The following LRRK1 variants were observed in gnomAD, a reference collection of about 807,000 sequenced individuals.
The protein encoded by LRRK1 is leucine rich repeat kinase 1, also known as leucine-rich repeat serine/threonine-protein kinase 1.
In LRRK1, 113 loss-of-function variants were observed where a neutral mutation model predicts 209.1. The observed-to-expected ratio is 0.54, with a 90% CI of 0.46 to 0.63. The LOEUF (loss-of-function observed/expected upper bound fraction) is 0.63. Among genes scored for constraint, LRRK1 ranks in the 30% least tolerant of loss-of-function variants. The pLI is 0.00. For synonymous variants in LRRK1, 1,144 were observed against 1,099.7 expected (o/e 1.04, Z -0.80); for missense variants, 2,284 against 2,632.2 (o/e 0.87, Z 2.89).
At chr15:100,984,974 C>T (rs1205689133) in intron 4 of LRRK1, among the ~76,000 whole-genome samples, 1 of 152,200 alleles carries the variant, frequency 6.6e-6, no homozygotes, top group Non-Finnish European at 1.5e-5. Context: ...GTTTAATACT[C>T]TGTACTCACT....
chr15:101,047,790 C>T (rs1473867843), intron 21 of LRRK1, among the ~76,000 whole-genome samples: 3 of 152,156 alleles, frequency 2.0e-5, no homozygotes, highest in African/African-American at 4.8e-5. Context: ...AGCTTTAAAA[C>T]GATCAGACCC....
At position 101,072,568 on chromosome 15, in the gene LRRK1, G is replaced by C. The variant is rs950994354; in HGVS notation, c.*3720G>C. The C allele has an allele frequency of 2.0e-5, 3 of 152,880 alleles. No individual in the cohort carries two copies. The highest frequency in any genetic ancestry group is 4.8e-5 in the African/African-American group (2 of 41,478). The allele number at this position is 152,880 out of a possible 1,614,324, so 9.5% of individuals were successfully genotyped here. A position where few individuals can be genotyped will look rare whatever the true frequency, so the allele number is the denominator to read the frequency against. ...GCCTAGATGGCCTGAAGTAACTGAA[G>C]AATCACAAAAGAAGTGAATATGCCC... On this transcript the variant is annotated 3_prime_UTR_variant, in exon 34 of 34. Transcript: ENST00000388948.
chr15:100,980,173 C>A (rs923960859), intron 3 of LRRK1, among the ~76,000 whole-genome samples: 4 of 152,058 alleles, frequency 2.6e-5, no homozygotes, highest in African/African-American at 9.6e-5. Context: ...TGGATACAAC[C>A]AAAGACTCTC....
At chr15:101,053,141 C>T (rs186290816) in intron 25 of LRRK1, 53 bp downstream of exon 25, 3 of 1,590,678 alleles carry the variant, frequency 1.9e-6, no homozygotes, top group Admixed American at 3.4e-5. Context: ...CTGCCCGGGT[C>T]TAAGCTCTGT....
chr15:101,065,784 C>A lies in LRRK1; in HGVS notation c.5347C>A (p.Leu1783Ile). 6.2e-7 allele frequency: 1 copy of A among 1,614,098 alleles called. No homozygotes were observed. The highest frequency in any genetic ancestry group is 1.1e-5 in the South Asian group (1 of 91,086). ...ARYFCGVPSP[L>I]RDMFPVRPLD... ...GTACTTCTGCGGGGTCCCCAGCCCC[C>A]TCAGGGACATGTTTCCCGTGCGGCC... The change falls in exon 32 of 34, where the codon CTC becomes ATC. Residue 1783 changes from leucine to isoleucine, a missense_variant. Physicochemically the swap from Leu to Ile is conservative, Grantham distance 5 (BLOSUM62 2). Around this residue, in one of 6 missense-constraint regions of LRRK1, gnomAD observed 643 missense variants for 695.9 expected, o/e 0.92. Coordinates refer to ENST00000388948, the MANE Select transcript of LRRK1 (RefSeq NM_024652.6).
chr15:101,054,820 A>G, intron 26 of LRRK1, 126 bp from the exon 27 acceptor site: 2 of 904,594 alleles, frequency 2.2e-6, no homozygotes, highest in Non-Finnish European at 3.3e-6. Context: ...TCAATAAAAG[A>G]AAAAAGAAAA....
At chr15:101,056,740 G>A (rs2035829268) in intron 27 of LRRK1, 116 bp from the exon 28 acceptor site, 3 of 756,478 alleles carry the variant, frequency 4.0e-6, no homozygotes, top group South Asian at 2.0e-5. Flanking sequence ...CAGGTGGTTT[G>A]TTGAATGTTT....
intron 2 of LRRK1, among the ~76,000 whole-genome samples, chr15:100,925,911 G>T (rs939356763): frequency 1.8e-4 from 28 of 152,208 alleles, no homozygotes; most frequent in Non-Finnish European, 1.2e-4. Context: ...CACACTATGG[G>T]AGGTGAAAGG....
In LRRK1 at chr15:101,012,009, A is replaced by T. The variant is rs767732473; in HGVS notation, c.1283A>T (p.Lys428Ile). The T allele has an allele frequency of 6.3e-7, 1 of 1,594,064 alleles. No individual in the cohort carries two copies. Among genetic ancestry groups the T allele is most frequent in the Admixed American group, 1.8e-5 (1 of 54,402 alleles). Residue 428 changes from lysine (K) to isoleucine (I), a missense_variant and splice_region_variant, in exon 10 of 34, where the codon AAA (lysine) becomes ATA (isoleucine). Coordinates refer to ENST00000388948, the MANE Select transcript of LRRK1 (RefSeq NM_024652.6). ...TTTTTTTTCTCGTCAATCTCTTAGAAATGTTGTAAAGCTTCCAGAAATGCC... is the reference window on the plus strand; with the variant it reads ...TTTTTTTTCTCGTCAATCTCTTAGATATGTTGTAAAGCTTCCAGAAATGCC... ...VFPDPWACPLKCCKASRNALE... is the reference protein window; with the variant it reads ...VFPDPWACPLICCKASRNALE...
intron 27 of LRRK1, 141 bp downstream of exon 27, chr15:101,055,364 A>G: frequency 1.2e-6 from 1 of 821,376 alleles, no homozygotes; most frequent in Non-Finnish European, 1.7e-6. Flanking sequence ...TTGCTCAATG[A>G]GGGAGGTTCT....
rs562371750 is a variant in LRRK1, at chr15:101,049,491, G to C, written c.3300-153G>C. 50 of 801,230 alleles carry C rather than the reference G, an allele frequency of 6.2e-5. No individual in the cohort carries two copies. The South Asian group carries it at 9.1e-4, about 15-fold the overall frequency. 49.6% of individuals were successfully genotyped at this position (801,230 alleles called of 1,614,324 possible). ...AAGAACAAGGCAGGGCCACGCACAC[G>C]TACATACAGGGAGGAGTCCCCCATC... On this transcript the variant is annotated intron_variant, in intron 22 of 33. Coordinates refer to ENST00000388948, the MANE Select transcript of LRRK1 (RefSeq NM_024652.6).
rs1234598147 is a variant in LRRK1, at chr15:100,941,458, ATGTCTC to A, written c.97+16733_97+16738del. On this transcript the variant is annotated intron_variant, in intron 2 of 33. Coordinates refer to ENST00000388948, the MANE Select transcript of LRRK1 (RefSeq NM_024652.6). ...TGTGTGTGTGTGTCTGTGTGTGTCT[ATGTCTC>A]TGTGTGTGTGTGTGTGTGTGTGTGT... Among the ~76,000 whole-genome samples, 12 of 45,820 alleles carry A rather than the reference ATGTCTC, an allele frequency of 2.6e-4. 1 individual carries two copies. Among genetic ancestry groups the A allele is most frequent in the African/African-American group, 1.0e-3 (12 of 11,748 alleles). The allele number at this position is 45,820 out of a possible 152,430, so 30.1% of individuals were successfully genotyped here.
intron 2 of LRRK1, among the ~76,000 whole-genome samples, chr15:100,962,821 ATATTT>A (rs1377808883): frequency 1.6e-3 from 24 of 14,680 alleles, no homozygotes; most frequent in Admixed American, 4.3e-3. Flanking sequence ...ATATATATAT[ATATTT>A]TTTTTTTTTT....
intron 2 of LRRK1, among the ~76,000 whole-genome samples, chr15:100,929,659 C>G (rs1338545852): frequency 6.6e-6 from 1 of 152,204 alleles, no homozygotes; most frequent in East Asian, 1.9e-4. Context: ...AGTGATGAGC[C>G]AGCCCACATC....
chr15:101,058,620 G>GGT (rs1052080262), intron 29 of LRRK1, among the ~76,000 whole-genome samples: 2 of 149,288 alleles, frequency 1.3e-5, no homozygotes, highest in African/African-American at 2.5e-5. Context: ...GGGGCAACGG[G>GGT]GGGGGGCGTC....
chr15:100,981,064 C>T (rs905786349), intron 3 of LRRK1, among the ~76,000 whole-genome samples: 1 of 152,228 alleles, frequency 6.6e-6, no homozygotes, highest in African/African-American at 2.4e-5. Context: ...GCATCCTTTG[C>T]AGAGGGCGAC....
intron 4 of LRRK1, among the ~76,000 whole-genome samples, chr15:100,985,934 C>T (rs955198918): frequency 3.3e-5 from 5 of 152,210 alleles, no homozygotes; most frequent in Non-Finnish European, 7.4e-5. Context: ...CATGCTGGCT[C>T]ATGCCTGTAA....
At chr15:101,049,035 C>T (rs1567265406) in intron 22 of LRRK1, among the ~76,000 whole-genome samples, 1 of 152,154 alleles carries the variant, frequency 6.6e-6, no homozygotes, top group African/African-American at 2.4e-5. Flanking sequence ...AGGCTGGGGA[C>T]AGGGGATGCT....
intron 3 of LRRK1, among the ~76,000 whole-genome samples, chr15:100,976,217 T>A (rs1000306175): frequency 2.0e-5 from 3 of 152,238 alleles, no homozygotes; most frequent in African/African-American, 7.2e-5. Flanking sequence ...TACATGGTTT[T>A]ACTGGTGTGT....
Sources: gnomAD v4.1 joint callset for allele counts (sites outside exome capture counted in the v4.1 genomes callset) on GRCh38, gnomAD v4.1.1 for gene constraint, gnomAD v4.1.1 regional missense constraint, MANE v1.5 for transcripts, NCBI Gene and HGNC (gene_info 2026-07-23, HGNC 2026-07-21) for gene names.